OR8K3: variants seen among roughly 807,000 people sequenced by gnomAD.
OR8K3 encodes olfactory receptor 8K3.
For missense variants in OR8K3, 448 were observed against 367.4 expected, an observed-to-expected ratio of 1.22 and a Z score of -1.79; for synonymous variants, 167 against 138.8, an observed-to-expected ratio of 1.20 and a Z score of -1.43.
intron 2 of OR8K3, among the ~76,000 whole-genome samples, chr11:56,317,278 GAATCACTTA>G (rs1385115169): frequency 6.6e-6 from 1 of 152,084 alleles, no homozygotes; most frequent in Non-Finnish European, 1.5e-5. Context: ...AAGACACATT[GAATCACTTA>G]ATCTTCAGTC....
Position 56,318,801 on chromosome 11 carries a change from T to C in OR8K3, c.495T>C (p.Thr165=), listed in dbSNP as rs1466045162. The change falls in exon 3 of 3, where the codon ACT becomes ACC. Residue 165 remains threonine, a synonymous_variant. Transcript: ENST00000641662. Reference sequence around the variant, plus strand: ...TTCTAGTCACCATAAAGATTTTTACTTTATCCTTCTGTGGCTACAACGTCA... The same window carrying C: ...TTCTAGTCACCATAAAGATTTTTACCTTATCCTTCTGTGGCTACAACGTCA... ...ISLLVTIKIF[T]LSFCGYNVIS... is the part of the protein sequence containing the mutation. The C allele has an allele frequency of 4.3e-6, 7 of 1,613,954 alleles. No homozygotes were observed. In the Middle Eastern group the frequency reaches 9.9e-4, roughly 227 times the overall value.
rs1194537989 is a variant in OR8K3, at chr11:56,320,081, C to A, written c.*836C>A. 2 of 152,102 alleles carry A rather than the reference C, an allele frequency of 1.3e-5. No homozygotes were observed. Among genetic ancestry groups the A allele is most frequent in the Admixed American group, 6.5e-5 (1 of 15,276 alleles). The allele number at this position is 152,102 out of a possible 1,614,324, so 9.4% of individuals were successfully genotyped here. ...TATTTATCTAAAAAAAAGTAATAAACTGTGGTTAAAATTTGTGTTCCAGTT... is the reference window on the plus strand; with the variant it reads ...TATTTATCTAAAAAAAAGTAATAAAATGTGGTTAAAATTTGTGTTCCAGTT... On this transcript the variant is annotated 3_prime_UTR_variant, in exon 3 of 3. Transcript: ENST00000641662.
At chr11:56,317,123 G>T (rs1200600797) in intron 2 of OR8K3, among the ~76,000 whole-genome samples, 1 of 151,892 alleles carries the variant, frequency 6.6e-6, no homozygotes, top group Non-Finnish European at 1.5e-5. Context: ...TCCTAACAAA[G>T]AAGTTAATTC....
Position 56,319,923 on chromosome 11 carries a change from A to C in OR8K3, c.*678A>C, listed in dbSNP as rs1417529941. ...ATTAGCACCTGATTTTGTTTCAGTTAGCCCATTCTGTTTACATGAGTAGAT... is the reference window on the plus strand; with the variant it reads ...ATTAGCACCTGATTTTGTTTCAGTTCGCCCATTCTGTTTACATGAGTAGAT... On this transcript the variant is annotated 3_prime_UTR_variant, in exon 3 of 3. Transcript: ENST00000641662. 6.6e-6 allele frequency: 1 copy of C among 152,252 alleles called. No individual in the cohort carries two copies. The highest frequency in any genetic ancestry group is 2.4e-5 in the African/African-American group (1 of 41,464). 9.4% of individuals were successfully genotyped at this position (152,252 alleles called of 1,614,324 possible).
intron 1 of OR8K3, 23 bp downstream of exon 1, chr11:56,315,190 T>A (rs1358294829): frequency 2.0e-5 from 3 of 151,238 alleles, no homozygotes; most frequent in Admixed American, 2.0e-4. Context: ...AAAGTAAGAA[T>A]GTTTCTTGTG....
rs758606009 is a variant in OR8K3, at chr11:56,318,460, G to C, written c.154G>C (p.Asp52His). The change falls in exon 3 of 3, where the codon GAC becomes CAC. Residue 52 changes from aspartate (D) to histidine (H), a missense_variant. By Grantham distance (81) the Asp-to-His change is moderately conservative. Transcript: ENST00000641662. ...NLGMIVLTKLDSRLQTPMYFF... is the reference protein window; with the variant it reads ...NLGMIVLTKLHSRLQTPMYFF... ...GGGCATGATTGTCCTCACCAAGTTG[G>C]ACTCCAGGTTGCAAACCCCTATGTA... The C allele has an allele frequency of 6.2e-7, 1 of 1,614,076 alleles. No individual in the cohort carries two copies. The highest frequency in any genetic ancestry group is 8.5e-7 in the Non-Finnish European group (1 of 1,179,982).
chr11:56,317,428 T>A (rs1178905915), intron 2 of OR8K3, among the ~76,000 whole-genome samples: 1 of 152,108 alleles, frequency 6.6e-6, no homozygotes, highest in Non-Finnish European at 1.5e-5. Context: ...GTAGAATATA[T>A]CTATATCCAT....
Position 56,318,335 on chromosome 11 carries a change from A to G in OR8K3, c.29A>G (p.Asn10Ser). 1.2e-6 allele frequency: 2 copies of G among 1,613,262 alleles called. No homozygotes were observed. Among genetic ancestry groups the G allele is most frequent in the Non-Finnish European group, 1.7e-6 (2 of 1,179,230 alleles). The change falls in exon 3 of 3, where the codon AAT (asparagine) becomes AGT (serine). Residue 10 changes from asparagine (N) to serine (S), a missense_variant. Physicochemically the swap from Asn to Ser is conservative, Grantham distance 46. Transcript: ENST00000641662. ...GAACAACACAATCTAACAACGGTGA[A>G]TGAATTCATTCTTACGGGAATCACA... MEQHNLTTV[N>S]EFILTGITDI...
rs1854495066 is a variant in OR8K3, at chr11:56,319,351, T to A, written c.*106T>A. 1 of 633,250 alleles carries A rather than the reference T, an allele frequency of 1.6e-6. No homozygotes were observed. The highest frequency in any genetic ancestry group is 2.9e-5 in the Admixed American group (1 of 35,034). The allele number at this position is 633,250 out of a possible 1,614,324, so 39.2% of individuals were successfully genotyped here. ...ATAACTGATTCAACATATATTTACA[T>A]ATGTCTCATACATGATAGGCTCTTC... On this transcript the variant is annotated 3_prime_UTR_variant, in exon 3 of 3. Transcript: ENST00000641662.
In OR8K3 at chr11:56,318,452, C is replaced by A. The variant is rs1209671325; in HGVS notation, c.146C>A (p.Thr49Asn). ...GGCAATTTGGGCATGATTGTCCTCACCAAGTTGGACTCCAGGTTGCAAACC... is the reference window on the plus strand; with the variant it reads ...GGCAATTTGGGCATGATTGTCCTCAACAAGTTGGACTCCAGGTTGCAAACC... ...VMGNLGMIVL[T>N]KLDSRLQTPM... Residue 49 changes from threonine (T) to asparagine (N), a missense_variant, in exon 3 of 3, where the codon ACC becomes AAC. Thr to Asn is a moderately conservative substitution (Grantham distance 65). Transcript: ENST00000641662. 3.7e-6 allele frequency: 6 copies of A among 1,614,072 alleles called. No individual in the cohort carries two copies. In the Admixed American group the frequency reaches 8.3e-5, roughly 22 times the overall value.
rs143022942 is a variant in OR8K3, at chr11:56,317,865, ACTAT to A, written c.-23-409_-23-406del. 7.5e-3 allele frequency among the ~76,000 whole-genome samples: 1,141 copies of A among 152,074 alleles called. 95 individuals are homozygous for A. In the East Asian group the frequency reaches 0.16, roughly 22 times the overall value. On this transcript the variant is annotated intron_variant, in intron 2 of 2. Transcript: ENST00000641662. ...CCATAATCTATCTATCTACCCATTA[ACTAT>A]CTATCTATCATCTGTCTATTCATGT...
intron 2 of OR8K3, 104 bp from the exon 3 acceptor site, chr11:56,318,180 G>T: frequency 3.5e-6 from 2 of 578,668 alleles, no homozygotes; most frequent in Non-Finnish European, 6.1e-6. Context: ...TTCAAATGTC[G>T]CAAATTGTGA....
At chr11:56,318,243 T>C in intron 2 of OR8K3, 41 bp from the exon 3 acceptor site, 3 of 1,174,404 alleles carry the variant, frequency 2.6e-6, no homozygotes, top group Non-Finnish European at 3.7e-6. Context: ...TCTCAGGTGA[T>C]GATAGAGGAA....
At position 56,317,640 on chromosome 11, in the gene OR8K3, T is replaced by C. The variant is rs1195367818; in HGVS notation, c.-23-644T>C. Among the ~76,000 whole-genome samples the C allele has an allele frequency of 2.0e-5, 3 of 152,162 alleles. No homozygotes were observed. The East Asian group carries it at 5.8e-4, about 29-fold the overall frequency. On this transcript the variant is annotated intron_variant, in intron 2 of 2. Coordinates refer to ENST00000641662, the MANE Select transcript of OR8K3 (RefSeq NM_001005202.2). Reference sequence around the variant, plus strand: ...TGGAATCTGTGACAGAAATTTTTTATATAACTAAAATTGTATTATGTCACA... The same window carrying C: ...TGGAATCTGTGACAGAAATTTTTTACATAACTAAAATTGTATTATGTCACA...
At position 56,319,013 on chromosome 11, in the gene OR8K3, CT is replaced by C; in HGVS notation, c.712del (p.Ser238LeufsTer7). The C allele has an allele frequency of 6.2e-7, 1 of 1,614,114 alleles. No homozygotes were observed. On this transcript the variant is annotated frameshift_variant, in exon 3 of 3. Coordinates refer to ENST00000641662, the MANE Select transcript of OR8K3 (RefSeq NM_001005202.2). LOFTEE classifies it low-confidence loss of function (END_TRUNC). ...LRMNSAGRQK[A>X]FSTCGAHLTV... ...ATGAATTCTGCTGGCAGACAAAAGG[CT>C]TTTTCTACCTGTGGAGCCCACCTGA...
In OR8K3 at chr11:56,318,563, T is replaced by C; in HGVS notation, c.257T>C (p.Val86Ala). Reference sequence around the variant, plus strand: ...GGACCCAAAATGTTAGTAAATTTTGTTGTGGATAAGAATATAATTTCTTAT... The same window carrying C: ...GGACCCAAAATGTTAGTAAATTTTGCTGTGGATAAGAATATAATTTCTTAT... Reference protein sequence around the residue: ...TVGPKMLVNFVVDKNIISYYF... With the variant: ...TVGPKMLVNFAVDKNIISYYF... Residue 86 changes from valine (V) to alanine (A), a missense_variant, in exon 3 of 3, where the codon GTT (valine) becomes GCT (alanine). Val to Ala is a moderately conservative substitution (Grantham distance 64). Coordinates refer to ENST00000641662, the MANE Select transcript of OR8K3 (RefSeq NM_001005202.2). The C allele has an allele frequency of 6.2e-7, 1 of 1,613,112 alleles. No individual in the cohort carries two copies. Among genetic ancestry groups the C allele is most frequent in the Non-Finnish European group, 8.5e-7 (1 of 1,179,460 alleles).
At position 56,318,823 on chromosome 11, in the gene OR8K3, G is replaced by A. The variant is rs12291617; in HGVS notation, c.517G>A (p.Val173Ile). ...TACTTTATCCTTCTGTGGCTACAAC[G>A]TCATTAGTCATTTCTACTGTGACAG... ...IFTLSFCGYN[V>I]ISHFYCDSLP... The change falls in exon 3 of 3, where the codon GTC (valine) becomes ATC (isoleucine). Residue 173 changes from valine to isoleucine, a missense_variant. Coordinates refer to ENST00000641662, the MANE Select transcript of OR8K3 (RefSeq NM_001005202.2). 16,450 of 1,613,900 alleles carry A rather than the reference G, an allele frequency of 0.01. 311 individuals are homozygous for A. Among genetic ancestry groups the A allele is most frequent in the African/African-American group, 0.086 (6,436 of 74,984 alleles).
chr11:56,315,685 C>T (rs2134864629), intron 1 of OR8K3, among the ~76,000 whole-genome samples: 1 of 151,644 alleles, frequency 6.6e-6, no homozygotes, highest in East Asian at 1.9e-4. Flanking sequence ...ATTGTTTTCT[C>T]ACTGCTTGGT....
rs759720409 is a variant in OR8K3, at chr11:56,318,639, A to G, written c.333A>G (p.Glu111=). ...LAFFLVFIGS[E]LFILSAMSYD... Reference sequence around the variant, plus strand: ...TCTTTCTTGTGTTCATTGGTAGTGAACTTTTTATTCTCTCAGCCATGTCCT... The same window carrying G: ...TCTTTCTTGTGTTCATTGGTAGTGAGCTTTTTATTCTCTCAGCCATGTCCT... The change falls in exon 3 of 3, where the codon GAA becomes GAG. Residue 111 remains glutamate, a synonymous_variant. Transcript: ENST00000641662. The G allele has an allele frequency of 4.3e-6, 7 of 1,613,762 alleles. No individual in the cohort carries two copies. The highest frequency in any genetic ancestry group is 5.9e-6 in the Non-Finnish European group (7 of 1,179,834).
Sources: gnomAD v4.1 joint callset for allele counts (sites outside exome capture counted in the v4.1 genomes callset) on GRCh38, gnomAD v4.1.1 for gene constraint, MANE v1.5 for transcripts, NCBI Gene and HGNC (gene_info 2026-07-23, HGNC 2026-07-21) for gene names.